Variants in USP53 observed in about 807,000 individuals in gnomAD.
USP53 encodes ubiquitin specific peptidase 53.
A neutral mutation model predicts 94.9 loss-of-function variants in USP53; 71 were observed. The ratio of observed to expected loss-of-function variants is 0.75; its 90% CI spans 0.62 to 0.91. The LOEUF is 0.91. Ranked by LOEUF, USP53 falls within the 40% of genes least tolerant of loss-of-function variation. The probability of loss-of-function intolerance (pLI) is 0.00; values close to 1 mark genes in which losing one functional copy is unlikely to be tolerated. For synonymous variants in USP53, 375 were observed against 422.7 expected, an observed-to-expected ratio of 0.89 and a Z score of 1.39; for missense variants, 1,173 against 1,281.0, an observed-to-expected ratio of 0.92 and a Z score of 1.29.
intron 6 of USP53, among the ~76,000 whole-genome samples, chr4:119,247,626 C>A (rs942145930): frequency 5.3e-5 from 8 of 152,034 alleles, no homozygotes; most frequent in Admixed American, 4.6e-4. Flanking sequence ...ATATAGGCTC[C>A]ATGTGGGCAG....
At chr4:119,241,820 T>A (rs1049991217) in intron 5 of USP53, among the ~76,000 whole-genome samples, 1 of 152,164 alleles carries the variant, frequency 6.6e-6, no homozygotes, top group African/African-American at 2.4e-5. Context: ...TCCTTTGGGG[T>A]TTTCCAGTTA....
At chr4:119,234,656 A>G (rs903849504) in intron 3 of USP53, among the ~76,000 whole-genome samples, 1 of 152,248 alleles carries the variant, frequency 6.6e-6, no homozygotes, top group Non-Finnish European at 1.5e-5. Context: ...ACATTCTACA[A>G]ACATGATTAA....
At chr4:119,233,199 G>T (rs1746296063) in intron 3 of USP53, among the ~76,000 whole-genome samples, 2 of 148,436 alleles carry the variant, frequency 1.3e-5, no homozygotes. Flanking sequence ...TCTTAATCAG[G>T]CTTTTTGTAA....
intron 3 of USP53, chr4:119,218,987 A>G (rs983136482): frequency 7.4e-6 from 1 of 135,620 alleles, no homozygotes; most frequent in South Asian, 2.4e-4. Flanking sequence ...GTGTACTATT[A>G]AGAACATATT....
intron 1 of USP53, among the ~76,000 whole-genome samples, chr4:119,213,637 A>AAT (rs1178984967): frequency 7.4e-5 from 3 of 40,666 alleles, no homozygotes; most frequent in African/African-American, 1.3e-4. Context: ...CTTATCTGGA[A>AAT]ATAGATATAT....
At chr4:119,245,219 C>A in intron 5 of USP53, 118 bp from the exon 6 acceptor site, 2 of 789,780 alleles carry the variant, frequency 2.5e-6, no homozygotes, top group East Asian at 2.6e-5. Flanking sequence ...TATGTACAGG[C>A]AATTAAAAGA....
intron 3 of USP53, among the ~76,000 whole-genome samples, chr4:119,227,588 G>A (rs1578420985): frequency 1.3e-5 from 2 of 152,166 alleles, no homozygotes; most frequent in Admixed American, 6.5e-5. Flanking sequence ...CCGAGATCGC[G>A]CCACTGCACT....
intron 7 of USP53, among the ~76,000 whole-genome samples, chr4:119,251,315 T>C (rs1374787448): frequency 6.6e-6 from 1 of 152,182 alleles, no homozygotes; most frequent in Admixed American, 6.5e-5. Context: ...CGATGAACAT[T>C]TGGGTTGGTT....
chr4:119,287,704 A>G (rs112713998), intron 17 of USP53, among the ~76,000 whole-genome samples: 316 of 152,310 alleles, frequency 2.1e-3, no homozygotes, highest in African/African-American at 7.3e-3. Flanking sequence ...CGATTAATTG[A>G]CAGTTCATGC....
At chr4:119,270,781 T>G (rs540228905) in intron 15 of USP53, among the ~76,000 whole-genome samples, 2 of 152,328 alleles carry the variant, frequency 1.3e-5, no homozygotes, top group African/African-American at 4.8e-5. Flanking sequence ...CATACCTTTA[T>G]ACGTTTTTGC....
Position 119,213,689 on chromosome 4 carries a change from A to AAT in USP53, c.-941-372_-941-371dup, listed in dbSNP as rs1454370723. Among the ~76,000 whole-genome samples the AAT allele has an allele frequency of 1.0e-4, 9 of 90,200 alleles. No individual in the cohort carries two copies. In the East Asian group the frequency reaches 2.5e-3, roughly 25 times the overall value. 59.2% of individuals were successfully genotyped at this position (90,200 alleles called of 152,430 possible). ...GTGTGTGTGTATGTATGTATGTATA[A>AAT]ATATATATATTTGCAAAGAATATCT... is the stretch of plus-strand genomic sequence containing the variant. On this transcript the variant is annotated intron_variant, in intron 1 of 18. Transcript: ENST00000692078.
chr4:119,228,317 A>G (rs1390988658), intron 3 of USP53, among the ~76,000 whole-genome samples: 1 of 152,160 alleles, frequency 6.6e-6, no homozygotes, highest in Admixed American at 6.5e-5. Context: ...TCTCATGTTG[A>G]GGCCCCCTCC....
chr4:119,233,982 A>G (rs145691274), intron 3 of USP53, among the ~76,000 whole-genome samples: 3 of 152,288 alleles, frequency 2.0e-5, no homozygotes, highest in East Asian at 3.9e-4. Flanking sequence ...TGACCTGCTT[A>G]GAGGCATGAT....
At chr4:119,213,814 G>A (rs1165565087) in intron 1 of USP53, among the ~76,000 whole-genome samples, 1 of 151,536 alleles carries the variant, frequency 6.6e-6, no homozygotes, top group Non-Finnish European at 1.5e-5. Context: ...AGGTTGCAGT[G>A]AGCCGAGATC....
At chr4:119,267,788 G>T (rs1360930259) in intron 13 of USP53, among the ~76,000 whole-genome samples, 1 of 152,166 alleles carries the variant, frequency 6.6e-6, no homozygotes, top group Non-Finnish European at 1.5e-5. Context: ...GAAACAGCTA[G>T]GTCATTTTTG....
At position 119,273,657 on chromosome 4, in the gene USP53, A is replaced by T; in HGVS notation, c.2200A>T (p.Asn734Tyr). The part of the protein sequence containing the change: ...FSDQITTSNL[N>Y]KERGDCTSLQ... ...TGACCAGATTACGACAAGCAACCTA[A>T]ATAAAGAACGTGGGGACTGTACCTC... The change falls in exon 17 of 19, where the codon AAT (asparagine) becomes TAT (tyrosine). Residue 734 changes from asparagine to tyrosine, a missense_variant. Transcript: ENST00000692078. 1 of 1,613,318 alleles carries T rather than the reference A, an allele frequency of 6.2e-7. No individual in the cohort carries two copies.
chr4:119,252,014 T>A (rs1749074729), intron 7 of USP53, among the ~76,000 whole-genome samples: 1 of 152,234 alleles, frequency 6.6e-6, no homozygotes, highest in African/African-American at 2.4e-5. Context: ...TCATTGGTTC[T>A]GTTTATGTGA....
chr4:119,260,798 T>G, intron 11 of USP53, 145 bp downstream of exon 11: 1 of 839,262 alleles, frequency 1.2e-6, no homozygotes, highest in Non-Finnish European at 1.8e-6. Flanking sequence ...TGGCTTTCAA[T>G]TACAAACTAA....
At chr4:119,220,439 CAA>C (rs914921446) in intron 3 of USP53, 17 of 152,066 alleles carry the variant, frequency 1.1e-4, no homozygotes, top group African/African-American at 4.1e-4. Context: ...TGCAGTTTGA[CAA>C]ATATAAATTC....
Sources: gnomAD v4.1 joint callset for allele counts (sites outside exome capture counted in the v4.1 genomes callset) on GRCh38, gnomAD v4.1.1 for gene constraint, MANE v1.5 for transcripts, NCBI Gene and HGNC (gene_info 2026-07-23, HGNC 2026-07-21) for gene names.